The following BCHE variants were observed in gnomAD, a reference collection of about 807,000 sequenced individuals.
BCHE encodes the protein cholinesterase.
BCHE carries 48 observed loss-of-function variants against 51.3 expected under a neutral mutation model. The ratio of observed to expected loss-of-function variants is 0.94; its 90% confidence interval spans 0.74 to 1.19. BCHE has a LOEUF of 1.19. Among genes scored for constraint, BCHE ranks in the 50% most tolerant of loss-of-function variants. The probability of loss-of-function intolerance (pLI) is 0.00; values close to 1 mark genes in which losing one functional copy is unlikely to be tolerated. For synonymous variants in BCHE, 251 were observed against 238.0 expected, an observed-to-expected ratio of 1.05 and a Z score of -0.50; for missense variants, 847 against 708.2, an observed-to-expected ratio of 1.20 and a Z score of -2.23.
chr3:165,833,318 C>T (rs999323633), intron 1 of BCHE, among the ~76,000 whole-genome samples: 2 of 152,050 alleles, frequency 1.3e-5, no homozygotes, highest in Non-Finnish European at 2.9e-5. Flanking sequence ...CATTGTTAGG[C>T]GATCTAATCA....
At chr3:165,820,595 A>T (rs1714480244) in intron 2 of BCHE, among the ~76,000 whole-genome samples, 1 of 152,082 alleles carries the variant, frequency 6.6e-6, no homozygotes, top group South Asian at 2.1e-4. Context: ...TGGGTTAATT[A>T]TGATAATATA....
chr3:165,795,073 A>G (rs1713316994), intron 2 of BCHE, among the ~76,000 whole-genome samples: 1 of 152,210 alleles, frequency 6.6e-6, no homozygotes, highest in Non-Finnish European at 1.5e-5. Context: ...TCTTGGATCA[A>G]TTCAGTATCA....
intron 1 of BCHE, among the ~76,000 whole-genome samples, chr3:165,836,270 T>A (rs1715185241): frequency 6.6e-6 from 1 of 151,950 alleles, no homozygotes; most frequent in Non-Finnish European, 1.5e-5. Context: ...AATGTTAAAG[T>A]CACACTTTAA....
intron 2 of BCHE, among the ~76,000 whole-genome samples, chr3:165,789,955 T>A (rs1266876510): frequency 1.3e-5 from 2 of 152,040 alleles, no homozygotes; most frequent in Non-Finnish European, 2.9e-5. Flanking sequence ...AGACAATAAA[T>A]AAGATCAATA....
chr3:165,773,894 A>G (rs1712354613), intron 3 of BCHE, among the ~76,000 whole-genome samples: 1 of 152,086 alleles, frequency 6.6e-6, no homozygotes, highest in African/African-American at 2.4e-5. Context: ...ATTTACATAT[A>G]TAGTTATATA....
intron 1 of BCHE, among the ~76,000 whole-genome samples, chr3:165,832,332 C>T (rs986313199): frequency 1.3e-5 from 2 of 152,092 alleles, no homozygotes; most frequent in Admixed American, 6.6e-5. Flanking sequence ...CTCACTCTGT[C>T]GCCAAGCTAG....
intron 2 of BCHE, among the ~76,000 whole-genome samples, chr3:165,812,113 A>G (rs1019665146): frequency 6.6e-6 from 1 of 152,054 alleles, no homozygotes; most frequent in African/African-American, 2.4e-5. Flanking sequence ...AAACAAGTTT[A>G]TATACATAAA....
At chr3:165,807,099 T>C (rs909820558) in intron 2 of BCHE, among the ~76,000 whole-genome samples, 1 of 152,122 alleles carries the variant, frequency 6.6e-6, no homozygotes, top group African/African-American at 2.4e-5. Flanking sequence ...TCCTTTTTAA[T>C]TTTAGAGCTA....
At chr3:165,828,906 G>A (rs1714838139) in intron 2 of BCHE, among the ~76,000 whole-genome samples, 1 of 152,090 alleles carries the variant, frequency 6.6e-6, no homozygotes, top group Non-Finnish European at 1.5e-5. Flanking sequence ...AGACTGCTCA[G>A]GTGGAGAACG....
intron 1 of BCHE, among the ~76,000 whole-genome samples, chr3:165,836,847 G>T (rs1294660019): frequency 6.6e-6 from 1 of 151,894 alleles, no homozygotes; most frequent in Non-Finnish European, 1.5e-5. Context: ...ACAAAATGTT[G>T]ATTGAGAAAA....
chr3:165,826,212 G>A (rs944592783), intron 2 of BCHE, among the ~76,000 whole-genome samples: 5 of 151,976 alleles, frequency 3.3e-5, no homozygotes, highest in Non-Finnish European at 5.9e-5. Flanking sequence ...AAAAATATTC[G>A]TAGAATGCTA....
chr3:165,829,984 A>C lies in BCHE; in HGVS notation c.1050T>G (p.Asn350Lys). The change falls in exon 2 of 4, where the codon AAT (asparagine) becomes AAG (lysine). Residue 350 changes from asparagine (N) to lysine (K), a missense_variant. Asn to Lys is a moderately conservative substitution (Grantham distance 94). Transcript: ENST00000264381. ...CTAAAAAAGCTGTCCCTTCATCTTT[A>C]TTAACACCCACCAAAATCTGGGTTT... ...FKKTQILVGVNKDEGTAFLVY... is the reference protein window; with the variant it reads ...FKKTQILVGVKKDEGTAFLVY... The C allele has an allele frequency of 6.2e-7, 1 of 1,613,790 alleles. No homozygotes were observed. Among genetic ancestry groups the C allele is most frequent in the Non-Finnish European group, 8.5e-7 (1 of 1,179,874 alleles).
At chr3:165,796,428 T>C (rs1260474388) in intron 2 of BCHE, among the ~76,000 whole-genome samples, 8 of 152,204 alleles carry the variant, frequency 5.3e-5, no homozygotes, top group Non-Finnish European at 1.0e-4. Context: ...TTTACTCTAA[T>C]CATTTGTTTT....
chr3:165,793,282 A>G (rs910151331), intron 2 of BCHE, among the ~76,000 whole-genome samples: 16 of 152,228 alleles, frequency 1.1e-4, no homozygotes, highest in Non-Finnish European at 2.4e-4. Context: ...TTCATAGGAT[A>G]TACAATGCCT....
rs574911137 is a variant in BCHE, at chr3:165,773,734, G to A, written c.1685-228C>T. Among the ~76,000 whole-genome samples the A allele has an allele frequency of 1.3e-4, 20 of 151,618 alleles. No homozygotes were observed. In the South Asian group the frequency reaches 3.5e-3, roughly 27 times the overall value. On this transcript the variant is annotated intron_variant, in intron 3 of 3. Transcript: ENST00000264381. ...ATAATGTATATATAATTTATATAAC[G>A]TATAACATATAAAATGGAAAATGAG... is the stretch of plus-strand genomic sequence containing the variant.
At chr3:165,784,063 T>A in intron 3 of BCHE, among the ~76,000 whole-genome samples, 1 of 152,078 alleles carries the variant, frequency 6.6e-6, no homozygotes, top group South Asian at 2.1e-4. Flanking sequence ...GGTAAACATT[T>A]TTCCTTTTAA....
chr3:165,816,108 T>C (rs1368167917), intron 2 of BCHE, among the ~76,000 whole-genome samples: 1 of 151,860 alleles, frequency 6.6e-6, no homozygotes, highest in Non-Finnish European at 1.5e-5. Context: ...GGAATACATA[T>C]CAAAGAAACA....
intron 2 of BCHE, among the ~76,000 whole-genome samples, chr3:165,821,104 C>T (rs1233607354): frequency 1.3e-5 from 2 of 151,930 alleles, no homozygotes; most frequent in Non-Finnish European, 2.9e-5. Context: ...ATATACCTCA[C>T]ACCTTGTCAT....
intron 3 of BCHE, among the ~76,000 whole-genome samples, chr3:165,783,066 G>T (rs1712769582): frequency 6.6e-6 from 1 of 152,024 alleles, no homozygotes; most frequent in African/African-American, 2.4e-5. Flanking sequence ...GGTGAAGATA[G>T]GAGAGATTAT....
Sources: allele counts gnomAD v4.1 joint callset (sites outside exome capture counted in the v4.1 genomes callset), GRCh38; gene constraint gnomAD v4.1.1; transcripts MANE v1.5; gene names NCBI Gene and HGNC (gene_info 2026-07-23, HGNC 2026-07-21).